The following TMOD3 variants were observed in gnomAD, a reference collection of about 807,000 sequenced individuals.
TMOD3 encodes the protein tropomodulin 3, also known as tropomodulin-3.
In TMOD3, 20 loss-of-function variants were observed where a neutral mutation model predicts 39.2. That is an observed-to-expected ratio of 0.51 (90% CI 0.36 to 0.74). The LOEUF (loss-of-function observed/expected upper bound fraction) is 0.74, where lower values mean the gene tolerates loss of function less well. Among genes scored for constraint, TMOD3 ranks in the 30% least tolerant of loss-of-function variants. The pLI is 0.00. For missense variants in TMOD3, 381 were observed against 412.8 expected (o/e 0.92, Z 0.67); for synonymous variants, 143 against 145.8 (o/e 0.98, Z 0.14).
chr15:51,867,897 C>A (rs1466153512), intron 2 of TMOD3, among the ~76,000 whole-genome samples: 1 of 152,216 alleles, frequency 6.6e-6, no homozygotes, highest in Non-Finnish European at 1.5e-5. Context: ...CAACTTTAAT[C>A]CATCACCTTC....
chr15:51,887,192 G>A, intron 3 of TMOD3, among the ~76,000 whole-genome samples: 1 of 149,206 alleles, frequency 6.7e-6, no homozygotes, highest in Non-Finnish European at 1.5e-5. Flanking sequence ...CTACACTCCA[G>A]CCTGGGCGAC....
At chr15:51,906,772 G>A (rs533136836) in intron 9 of TMOD3, among the ~76,000 whole-genome samples, 1 of 152,278 alleles carries the variant, frequency 6.6e-6, no homozygotes, top group South Asian at 2.1e-4. Flanking sequence ...TGTAATCCCA[G>A]CACTTTGGGA....
intron 1 of TMOD3, among the ~76,000 whole-genome samples, chr15:51,835,526 C>A: frequency 6.6e-6 from 1 of 152,188 alleles, no homozygotes; most frequent in South Asian, 2.1e-4. Context: ...CCAGGCTGTC[C>A]TTGAACTCCT....
intron 7 of TMOD3, among the ~76,000 whole-genome samples, chr15:51,897,482 A>AAT (rs1555388300): frequency 3.5e-5 from 4 of 113,084 alleles, no homozygotes; most frequent in African/African-American, 7.0e-5. Flanking sequence ...AAAAAAAAAA[A>AAT]TTTTTTTTTT....
chr15:51,869,198 G>C lies in TMOD3; in HGVS notation c.127-19G>C. The C allele has an allele frequency of 6.2e-7, 1 of 1,610,130 alleles. No homozygotes were observed. Among genetic ancestry groups the C allele is most frequent in the African/African-American group, 1.3e-5 (1 of 74,780 alleles). On this transcript the variant is annotated intron_variant, in intron 2 of 9. Coordinates refer to ENST00000308580, the MANE Select transcript of TMOD3 (RefSeq NM_014547.5). ...AGCATTCTTATTGGTCATATTGGCT[G>C]ATTCATTCTCTCTGGCAGAATGCCC... is the stretch of plus-strand genomic sequence containing the variant.
Position 51,834,688 on chromosome 15 carries a change from G to A in TMOD3, c.-75+4852G>A, listed in dbSNP as rs995193274. Among the ~76,000 whole-genome samples the A allele has an allele frequency of 4.6e-5, 7 of 152,214 alleles. No individual in the cohort carries two copies. In the South Asian group the frequency reaches 6.2e-4, roughly 14 times the overall value. ...TCTACTAAAAATACAAAAATTAGCC[G>A]GAAGTACTGGCATGCACCTATAATC... On this transcript the variant is annotated intron_variant, in intron 1 of 9. Transcript: ENST00000308580.
Position 51,893,876 on chromosome 15 carries a change from A to G in TMOD3, c.558A>G (p.Val186=). 2 of 1,611,262 alleles carry G rather than the reference A, an allele frequency of 1.2e-6. No homozygotes were observed. The highest frequency in any genetic ancestry group is 1.7e-6 in the Non-Finnish European group (2 of 1,178,426). ...VFDEPPNPTN[V]EESLKRTKEN... The stretch of plus-strand genomic sequence containing the variant: ...ATGAGCCACCAAATCCAACCAATGT[A>G]GAAGAGAGTTTGAAGAGAACTAAAG... Residue 186 remains valine, a synonymous_variant, in exon 6 of 10, where the codon GTA becomes GTG. Transcript: ENST00000308580.
At chr15:51,893,696 C>T (rs1322204019) in intron 5 of TMOD3, 119 bp from the exon 6 acceptor site, 20 of 936,024 alleles carry the variant, frequency 2.1e-5, no homozygotes, top group East Asian at 3.4e-5. Context: ...ACCCGGGAGG[C>T]GGAGCTTGCA....
intron 9 of TMOD3, among the ~76,000 whole-genome samples, chr15:51,904,155 T>G (rs1595913838): frequency 1.3e-5 from 2 of 152,364 alleles, no homozygotes; most frequent in Admixed American, 1.3e-4. Flanking sequence ...AGTGGATATT[T>G]GAGTTTCTGA....
chr15:51,884,932 C>T (rs1386881671), intron 3 of TMOD3, among the ~76,000 whole-genome samples: 1 of 152,228 alleles, frequency 6.6e-6, no homozygotes, highest in Non-Finnish European at 1.5e-5. Context: ...TAAGAGTGGT[C>T]TGTGGATCAG....
At chr15:51,864,433 C>T (rs2056434994) in intron 2 of TMOD3, among the ~76,000 whole-genome samples, 1 of 152,062 alleles carries the variant, frequency 6.6e-6, no homozygotes, top group South Asian at 2.1e-4. Flanking sequence ...TAGCACACTC[C>T]TCCTGTTTTA....
intron 1 of TMOD3, 62 bp from the exon 2 acceptor site, chr15:51,862,749 T>G: frequency 1.4e-6 from 1 of 712,268 alleles, no homozygotes; most frequent in Non-Finnish European, 2.1e-6. Context: ...AACCTGAGAA[T>G]TAGATCTAAG....
intron 3 of TMOD3, among the ~76,000 whole-genome samples, chr15:51,877,605 G>A (rs1199591931): frequency 5.9e-5 from 9 of 151,784 alleles, no homozygotes; most frequent in East Asian, 1.9e-4. Flanking sequence ...TCTTGAAACC[G>A]GAAGACGGAG....
At chr15:51,871,261 G>T (rs1005580540) in intron 3 of TMOD3, among the ~76,000 whole-genome samples, 8 of 152,042 alleles carry the variant, frequency 5.3e-5, no homozygotes, top group African/African-American at 1.7e-4. Flanking sequence ...ACAGGCAGAG[G>T]CATCTCTTCC....
chr15:51,871,962 A>T (rs980532370), intron 3 of TMOD3, among the ~76,000 whole-genome samples: 9 of 152,198 alleles, frequency 5.9e-5, no homozygotes, highest in African/African-American at 2.2e-4. Flanking sequence ...GTTTATGGGC[A>T]GCTCTGATGC....
At chr15:51,864,783 G>T (rs568042452) in intron 2 of TMOD3, among the ~76,000 whole-genome samples, 25 of 152,238 alleles carry the variant, frequency 1.6e-4, no homozygotes, top group African/African-American at 5.5e-4. Context: ...GGGTGATTTA[G>T]GGGGAGGGGA....
intron 3 of TMOD3, among the ~76,000 whole-genome samples, chr15:51,875,825 AGCCAGGATGTTC>A (rs1409248166): frequency 6.6e-6 from 1 of 151,932 alleles, no homozygotes; most frequent in Non-Finnish European, 1.5e-5. Context: ...TCACTGTGTT[AGCCAGGATGTTC>A]GCCATCTCCT....
At chr15:51,834,589 G>A (rs1197123333) in intron 1 of TMOD3, among the ~76,000 whole-genome samples, 3 of 152,074 alleles carry the variant, frequency 2.0e-5, no homozygotes, top group African/African-American at 7.2e-5. Flanking sequence ...CCAGCGCTTT[G>A]GGAGACCAAG....
chr15:51,831,246 G>A (rs903572807), intron 1 of TMOD3, among the ~76,000 whole-genome samples: 3 of 152,214 alleles, frequency 2.0e-5, no homozygotes, highest in South Asian at 2.1e-4. Flanking sequence ...CCTAAATTTT[G>A]TGGTATATCC....
Sources: allele counts gnomAD v4.1 joint callset (sites outside exome capture counted in the v4.1 genomes callset), GRCh38; gene constraint gnomAD v4.1.1; transcripts MANE v1.5; gene names NCBI Gene and HGNC (gene_info 2026-07-23, HGNC 2026-07-21).